The following CACNA1C variants were observed in gnomAD, a reference collection of about 807,000 sequenced individuals.
The protein encoded by CACNA1C is voltage-dependent L-type calcium channel subunit alpha-1C.
Under a neutral mutation model 229.0 loss-of-function variants are expected in CACNA1C, and 30 were observed. The ratio of observed to expected loss-of-function variants is 0.13; its 90% CI spans 0.10 to 0.18. CACNA1C has a LOEUF of 0.18. Ranked by LOEUF, CACNA1C falls within the 10% of genes least tolerant of loss-of-function variation. The pLI is 1.00. For missense variants in CACNA1C, 1,658 were observed against 2,845.0 expected (o/e 0.58, Z 9.49); for synonymous variants, 1,114 against 1,132.5 (o/e 0.98, Z 0.33).
chr12:2,258,278 T>G (rs1191912353), intron 3 of CACNA1C, among the ~76,000 whole-genome samples: 1 of 152,242 alleles, frequency 6.6e-6, no homozygotes, highest in Admixed American at 6.5e-5. Context: ...ATGTAATAAT[T>G]CCCTTCTTCA....
intron 3 of CACNA1C, among the ~76,000 whole-genome samples, chr12:2,191,608 G>A (rs1208293379): frequency 2.0e-5 from 3 of 150,162 alleles, no homozygotes; most frequent in African/African-American, 4.9e-5. Context: ...ACACACATGC[G>A]CTCAGGCACA....
At chr12:2,002,119 C>G (rs576546443) in intron 1 of CACNA1C, among the ~76,000 whole-genome samples, 98 of 152,328 alleles carry the variant, frequency 6.4e-4, no homozygotes, top group Non-Finnish European at 1.1e-3. Context: ...TTTCTAGACA[C>G]CTTTCCTTCC....
chr12:2,463,902 CAA>C (rs2099532732), intron 5 of CACNA1C, among the ~76,000 whole-genome samples: 1 of 152,184 alleles, frequency 6.6e-6, no homozygotes, highest in African/African-American at 2.4e-5. Flanking sequence ...CGTATTACAC[CAA>C]AGACTAAGCC....
At position 2,280,792 on chromosome 12, in the gene CACNA1C, CTTG is replaced by C. The variant is rs540608729; in HGVS notation, c.477+160368_477+160370del. Among the ~76,000 whole-genome samples, 22 of 152,206 alleles carry C rather than the reference CTTG, an allele frequency of 1.4e-4. No homozygotes were observed. The South Asian group carries it at 4.4e-3, about 30-fold the overall frequency. On this transcript the variant is annotated intron_variant, in intron 3 of 46. Coordinates refer to ENST00000399655, the MANE Select transcript of CACNA1C (RefSeq NM_000719.7). The stretch of plus-strand genomic sequence containing the variant: ...ACCTTGCTGTGCTTCGGTTTAACCT[CTTG>C]TTGTTTTCTGTTAGTCCCATGTAGC...
At chr12:2,674,501 G>A in intron 38 of CACNA1C, 40 bp from the exon 39 acceptor site, 1 of 1,545,254 alleles carries the variant, frequency 6.5e-7, no homozygotes, top group Non-Finnish European at 8.8e-7. Context: ...CAGCCCATCA[G>A]AGGCCCACCA....
At chr12:2,612,306 C>T (rs1192999558) in intron 29 of CACNA1C, 2 of 353,830 alleles carry the variant, frequency 5.7e-6, no homozygotes, top group Non-Finnish European at 1.0e-5. Flanking sequence ...AGGTGATGGT[C>T]TTTCTCCTAT....
intron 3 of CACNA1C, among the ~76,000 whole-genome samples, chr12:2,256,092 T>TGA (rs2077588366): frequency 2.9e-3 from 1 of 340 alleles, no homozygotes; most frequent in African/African-American, 0.019. Flanking sequence ...CAATCACACC[T>TGA]CCTGTTTCTT....
At chr12:2,424,870 A>G (rs2099013960) in intron 3 of CACNA1C, among the ~76,000 whole-genome samples, 1 of 152,212 alleles carries the variant, frequency 6.6e-6, no homozygotes, top group African/African-American at 2.4e-5. Flanking sequence ...TAACACCATG[A>G]CAAGGCCAGG....
rs794727961 is a variant in CACNA1C, at chr12:2,512,979, G to A, written c.1385G>A (p.Arg462Gln). The change falls in exon 9 of 47, where the codon CGA (arginine) becomes CAA (glutamine). Residue 462 changes from arginine to glutamine, a missense_variant. Arg to Gln is a conservative substitution (Grantham distance 43). Coordinates refer to ENST00000399655, the MANE Select transcript of CACNA1C (RefSeq NM_000719.7). This position sits in a 1 kb window ranked among gnomAD's most constrained non-coding sequence, Gnocchi z 4.3. ...GAAGGCATGGATGAGGAGAAGCCCC[G>A]AAACAGTGAGCAGCCGTCTTCTTCT... ...EDEGMDEEKP[R>Q]NMSMPTSETE... The A allele has an allele frequency of 7.5e-6, 12 of 1,600,094 alleles. No homozygotes were observed. The highest frequency in any genetic ancestry group is 1.1e-5 in the South Asian group (1 of 88,244).
At chr12:2,151,654 A>G (rs1449704063) in intron 3 of CACNA1C, among the ~76,000 whole-genome samples, 1 of 152,124 alleles carries the variant, frequency 6.6e-6, no homozygotes, top group Non-Finnish European at 1.5e-5. Context: ...AGGTTTGCAG[A>G]AATGGCTTTG....
At chr12:2,330,341 T>G (rs61429893) in intron 3 of CACNA1C, among the ~76,000 whole-genome samples, 18,067 of 152,174 alleles carry the variant, frequency 0.12, 2,870 homozygotes, top group African/African-American at 0.36. Flanking sequence ...CTAAGCCTCA[T>G]TTTCCCATCT....
In CACNA1C at chr12:2,000,993, C is replaced by T. The variant is rs148964839; in HGVS notation, c.139+29792C>T. ...CAGAGGTTGCAGTGAGCCATGGTCA[C>T]GCCATTGCACTCCAGCCTGGGGAAC... On this transcript the variant is annotated intron_variant, in intron 1 of 46. Transcript: ENST00000682462. 8.1e-3 allele frequency among the ~76,000 whole-genome samples: 1,214 copies of T among 150,236 alleles called. 6 individuals are homozygous for T. Among genetic ancestry groups the T allele is most frequent in the Non-Finnish European group, 0.012 (822 of 67,842 alleles).
chr12:2,492,123 A>T (rs2099736631), intron 6 of CACNA1C, among the ~76,000 whole-genome samples: 1 of 152,148 alleles, frequency 6.6e-6, no homozygotes, highest in African/African-American at 2.4e-5. Context: ...AACTTTTGTG[A>T]ATTCCACACC....
intron 11 of CACNA1C, among the ~76,000 whole-genome samples, chr12:2,560,190 C>T (rs2046714148): frequency 1.3e-5 from 2 of 152,148 alleles, no homozygotes; most frequent in African/African-American, 4.8e-5. Flanking sequence ...TTCAGCAGTT[C>T]ACTGATGGTG....
intron 3 of CACNA1C, among the ~76,000 whole-genome samples, chr12:2,382,599 C>G (rs1005985545): frequency 3.3e-5 from 5 of 152,138 alleles, no homozygotes; most frequent in African/African-American, 1.2e-4. Flanking sequence ...GAGCTCTGAG[C>G]TTATGTGAAC....
chr12:2,419,619 G>A (rs914409146), intron 3 of CACNA1C, among the ~76,000 whole-genome samples: 9 of 152,198 alleles, frequency 5.9e-5, no homozygotes, highest in African/African-American at 1.7e-4. Flanking sequence ...CCGCAGTCCA[G>A]AATGTTCCAA....
At chr12:1,992,085 TC>T (rs993005003) in intron 1 of CACNA1C, 3 of 363,824 alleles carry the variant, frequency 8.2e-6, no homozygotes, top group Non-Finnish European at 1.7e-5. Context: ...GAGTTGGAAT[TC>T]CAAGTCTTTA....
At chr12:2,091,058 A>G (rs1414549102) in intron 1 of CACNA1C, among the ~76,000 whole-genome samples, 1 of 152,130 alleles carries the variant, frequency 6.6e-6, no homozygotes, top group Non-Finnish European at 1.5e-5. Context: ...TTTAACATCA[A>G]TACTCGAGGA....
intron 11 of CACNA1C, among the ~76,000 whole-genome samples, chr12:2,565,661 A>G (rs2050444173): frequency 6.6e-6 from 1 of 152,172 alleles, no homozygotes; most frequent in African/African-American, 2.4e-5. Context: ...TGGAGCATGG[A>G]TGAGCTTTGA....
Sources: gnomAD v4.1 joint callset for allele counts (sites outside exome capture counted in the v4.1 genomes callset) on GRCh38, gnomAD v4.1.1 for gene constraint, Gnocchi (gnomAD v3.1) non-coding constraint, MANE v1.5 for transcripts, NCBI Gene and HGNC (gene_info 2026-07-23, HGNC 2026-07-21) for gene names.